Variants in CDH13 observed in about 807,000 individuals in gnomAD.
The protein encoded by CDH13 is cadherin-13.
CDH13 carries 24 observed loss-of-function variants against 63.8 expected under a neutral mutation model. That is an observed-to-expected ratio of 0.38 (90% CI 0.27 to 0.53). The LOEUF is 0.53. CDH13 is among the 20% of genes least tolerant of loss of function. The pLI is 0.85. For synonymous variants in CDH13, 503 were observed against 355.3 expected (o/e 1.42, Z -4.67); for missense variants, 1,049 against 903.1 (o/e 1.16, Z -2.07).
At chr16:83,356,212 ATG>A (rs10525181) in intron 6 of CDH13, among the ~76,000 whole-genome samples, 12,679 of 137,438 alleles carry the variant, frequency 0.092, 710 homozygotes, top group Middle Eastern at 0.18. Context: ...ATTTATTTTC[ATG>A]TGTGTGTGTG....
intron 4 of CDH13, among the ~76,000 whole-genome samples, chr16:83,200,689 A>G (rs2039001007): frequency 6.6e-6 from 1 of 152,102 alleles, no homozygotes; most frequent in African/African-American, 2.4e-5. Context: ...TACATATACC[A>G]CCCACCAAAG....
chr16:82,665,404 A>G (rs565002082), intron 1 of CDH13, among the ~76,000 whole-genome samples: 70 of 152,324 alleles, frequency 4.6e-4, no homozygotes, highest in African/African-American at 1.4e-3. Flanking sequence ...ACAAGGTTAT[A>G]TATTGACTAG....
At chr16:83,167,673 A>G (rs1446864484) in intron 4 of CDH13, among the ~76,000 whole-genome samples, 1 of 150,984 alleles carries the variant, frequency 6.6e-6, no homozygotes, top group East Asian at 1.9e-4. Flanking sequence ...ATTTAAGCCA[A>G]ATCTCATTAT....
intron 10 of CDH13, among the ~76,000 whole-genome samples, chr16:83,716,381 G>A (rs181621873): frequency 2.6e-5 from 4 of 152,328 alleles, no homozygotes; most frequent in Non-Finnish European, 5.9e-5. Context: ...ATACCATGCA[G>A]AGTAGTTTCA....
chr16:83,326,613 T>C (rs2151899579), intron 5 of CDH13, among the ~76,000 whole-genome samples: 1 of 152,244 alleles, frequency 6.6e-6, no homozygotes, highest in Admixed American at 6.5e-5. Flanking sequence ...AGTGGCATGC[T>C]TGCTGTGCCC....
chr16:83,757,634 A>C lies in CDH13; in HGVS notation c.1681+9384A>C, dbSNP rs532951543. Among the ~76,000 whole-genome samples, 6 of 152,324 alleles carry C rather than the reference A, an allele frequency of 3.9e-5. No individual in the cohort carries two copies. The South Asian group carries it at 1.2e-3, about 32-fold the overall frequency. ...ATCCAAAAGTTTGTCCTATAAAAAG[A>C]TTGAATAAAATTGTAAACTCATATC... On this transcript the variant is annotated intron_variant, in intron 11 of 13. Coordinates refer to ENST00000567109, the MANE Select transcript of CDH13 (RefSeq NM_001257.5).
chr16:82,795,599 T>G (rs2036541021), intron 1 of CDH13, among the ~76,000 whole-genome samples: 1 of 152,082 alleles, frequency 6.6e-6, no homozygotes, highest in Non-Finnish European at 1.5e-5. Context: ...AAAATGAAGG[T>G]TTAAGGAGAA....
chr16:83,394,504 A>T (rs2091848286), intron 6 of CDH13, among the ~76,000 whole-genome samples: 1 of 152,188 alleles, frequency 6.6e-6, no homozygotes, highest in Non-Finnish European at 1.5e-5. Flanking sequence ...GATGGATGAA[A>T]TAAAGTGAGA....
intron 3 of CDH13, among the ~76,000 whole-genome samples, chr16:83,109,652 C>G (rs2034964459): frequency 6.6e-6 from 1 of 152,246 alleles, no homozygotes; most frequent in Non-Finnish European, 1.5e-5. Flanking sequence ...AATACATGCG[C>G]AAATTAACAC....
intron 1 of CDH13, among the ~76,000 whole-genome samples, chr16:82,634,649 G>C (rs902898785): frequency 6.6e-6 from 1 of 152,224 alleles, no homozygotes; most frequent in East Asian, 1.9e-4. Context: ...ACAGAGTTGA[G>C]ACTGTCTGGC....
chr16:83,018,314 A>G (rs1448679834), intron 2 of CDH13, among the ~76,000 whole-genome samples: 1 of 152,200 alleles, frequency 6.6e-6, no homozygotes, highest in Non-Finnish European at 1.5e-5. Flanking sequence ...ATGAAAATAG[A>G]TGCTATTCCA....
chr16:83,709,205 C>T (rs926821009), intron 10 of CDH13, among the ~76,000 whole-genome samples: 5 of 151,972 alleles, frequency 3.3e-5, no homozygotes, highest in African/African-American at 1.2e-4. Context: ...CAAATTCTGC[C>T]CTGAAGATTC....
At chr16:83,203,550 C>G (rs181476537) in intron 4 of CDH13, among the ~76,000 whole-genome samples, 6,258 of 143,004 alleles carry the variant, frequency 0.044, 259 homozygotes, top group African/African-American at 0.11. Context: ...AGCCGGCTGT[C>G]GTGGTGGGTG....
chr16:83,423,242 G>A (rs1337869660), intron 6 of CDH13, among the ~76,000 whole-genome samples: 1 of 152,062 alleles, frequency 6.6e-6, no homozygotes, highest in Non-Finnish European at 1.5e-5. Flanking sequence ...AGTATTTCAG[G>A]CATTTTCAAC....
At chr16:82,840,743 C>T (rs913482229) in intron 1 of CDH13, among the ~76,000 whole-genome samples, 1 of 151,426 alleles carries the variant, frequency 6.6e-6, no homozygotes, top group Non-Finnish European at 1.5e-5. Flanking sequence ...TTCAGGTTCC[C>T]AGGATCTAGA....
intron 2 of CDH13, among the ~76,000 whole-genome samples, chr16:82,986,980 C>G (rs184290199): frequency 2.0e-5 from 3 of 152,300 alleles, no homozygotes; most frequent in Non-Finnish European, 1.5e-5. Flanking sequence ...CCCATCTATT[C>G]CATCTTATCT....
chr16:82,701,908 G>A (rs766369450), intron 1 of CDH13, among the ~76,000 whole-genome samples: 3 of 151,932 alleles, frequency 2.0e-5, no homozygotes, highest in Non-Finnish European at 4.4e-5. Context: ...ACCCAGCCAC[G>A]TGGACTTAGA....
chr16:83,298,268 G>C (rs370631263), intron 5 of CDH13, among the ~76,000 whole-genome samples: 57 of 151,702 alleles, frequency 3.8e-4, no homozygotes, highest in African/African-American at 1.3e-3. Flanking sequence ...AATGAGATGA[G>C]ACGAGATGAG....
intron 4 of CDH13, among the ~76,000 whole-genome samples, chr16:83,214,378 G>T (rs891794913): frequency 2.6e-5 from 4 of 151,778 alleles, no homozygotes; most frequent in Non-Finnish European, 4.4e-5. Flanking sequence ...TAAGGAGTTC[G>T]AGATTAGCGT....
Sources: gnomAD v4.1 joint callset for allele counts (sites outside exome capture counted in the v4.1 genomes callset) on GRCh38, gnomAD v4.1.1 for gene constraint, MANE v1.5 for transcripts, NCBI Gene and HGNC (gene_info 2026-07-23, HGNC 2026-07-21) for gene names.